CHFR: variants seen among roughly 807,000 people sequenced by gnomAD.
CHFR encodes checkpoint with forkhead and ring finger domains.
CHFR carries 57 observed loss-of-function variants against 87.6 expected under a neutral mutation model. The observed-to-expected ratio is 0.65, with a 90% CI of 0.53 to 0.81. The LOEUF (loss-of-function observed/expected upper bound fraction) is 0.81, where lower values mean the gene tolerates loss of function less well. CHFR is among the 30% of genes least tolerant of loss of function. The pLI, the probability that CHFR is intolerant of heterozygous loss-of-function variation, is 0.00. For synonymous variants in CHFR, 381 were observed against 359.2 expected (o/e 1.06, Z -0.69); for missense variants, 797 against 865.8 (o/e 0.92, Z 1.00).
chr12:132,836,932 G>C lies in CHFR; in HGVS notation c.*4622C>G. 1 of 369,898 alleles carries C rather than the reference G, an allele frequency of 2.7e-6. No individual in the cohort carries two copies. Among genetic ancestry groups the C allele is most frequent in the Non-Finnish European group, 5.3e-6 (1 of 187,486 alleles). The allele number at this position is 369,898 out of a possible 1,614,324, so 22.9% of individuals were successfully genotyped here. On this transcript the variant is annotated 3_prime_UTR_variant, in exon 18 of 18. Coordinates refer to ENST00000450056, the MANE Select transcript of CHFR (RefSeq NM_001161346.2). ...CAAGATCCCTGCTCTATTTTTTTGAGAGGGGGAGACAAACGGTAAACAGAT... is the reference window on the plus strand; with the variant it reads ...CAAGATCCCTGCTCTATTTTTTTGACAGGGGGAGACAAACGGTAAACAGAT...
intron 10 of CHFR, 144 bp downstream of exon 10, chr12:132,856,324 A>G: frequency 2.4e-6 from 2 of 847,316 alleles, no homozygotes; most frequent in Non-Finnish European, 3.7e-6. Flanking sequence ...TCAGAAAACA[A>G]GCTCAAGCCA....
intron 2 of CHFR, among the ~76,000 whole-genome samples, chr12:132,885,742 G>A (rs1250465664): frequency 1.3e-5 from 2 of 152,100 alleles, no homozygotes; most frequent in Non-Finnish European, 2.9e-5. Context: ...ACTCCTCAGA[G>A]CAAATCTATG....
At chr12:132,877,284 T>C (rs1192280473) in intron 3 of CHFR, among the ~76,000 whole-genome samples, 1 of 152,152 alleles carries the variant, frequency 6.6e-6, no homozygotes, top group Non-Finnish European at 1.5e-5. Flanking sequence ...CTATACCATA[T>C]AGCCTAGGTA....
intron 4 of CHFR, 173 bp downstream of exon 4, chr12:132,872,112 C>A: frequency 1.8e-6 from 1 of 543,566 alleles, no homozygotes; most frequent in Non-Finnish European, 3.3e-6. Flanking sequence ...GCAAAGTCGA[C>A]ACTCCCACTC....
intron 4 of CHFR, 62 bp from the exon 5 acceptor site, chr12:132,870,845 T>C: frequency 1.1e-6 from 1 of 932,570 alleles, no homozygotes; most frequent in South Asian, 1.4e-5. Context: ...GAACTCATTT[T>C]TCTCTTCTGT....
intron 10 of CHFR, chr12:132,854,973 G>A (rs1951033808): frequency 6.6e-6 from 1 of 151,868 alleles, no homozygotes; most frequent in Non-Finnish European, 1.5e-5. Context: ...CGGGCGCGGT[G>A]GCTCACACCT....
chr12:132,834,849 G>A lies in CHFR; in HGVS notation c.*6705C>T, dbSNP rs1441145980. 1.3e-5 allele frequency: 2 copies of A among 151,892 alleles called. No individual in the cohort carries two copies. Among genetic ancestry groups the A allele is most frequent in the Admixed American group, 1.3e-4 (2 of 15,222 alleles). 9.4% of individuals were successfully genotyped at this position (151,892 alleles called of 1,614,324 possible). ...TCCTGCCTCAGCCTCCCGAGTAGCTGGGACTACAGGCACCCACCACCACGC... is the reference window on the plus strand; with the variant it reads ...TCCTGCCTCAGCCTCCCGAGTAGCTAGGACTACAGGCACCCACCACCACGC... On this transcript the variant is annotated 3_prime_UTR_variant, in exon 18 of 18. Coordinates refer to ENST00000450056, the MANE Select transcript of CHFR (RefSeq NM_001161346.2).
At chr12:132,861,399 T>G in intron 7 of CHFR, 68 bp downstream of exon 7, 1 of 1,520,014 alleles carries the variant, frequency 6.6e-7, no homozygotes, top group South Asian at 1.2e-5. Flanking sequence ...GCACGGAGCA[T>G]GGCAGCGGCC....
intron 13 of CHFR, 145 bp from the exon 14 acceptor site, chr12:132,848,300 C>T (rs1002009318): frequency 1.9e-4 from 278 of 1,435,256 alleles, no homozygotes; most frequent in Non-Finnish European, 4.0e-5. Flanking sequence ...CAATTTTAAA[C>T]AGAGGACAAG....
chr12:132,887,140 C>T, intron 2 of CHFR, 56 bp downstream of exon 2: 1 of 1,402,538 alleles, frequency 7.1e-7, no homozygotes, highest in Non-Finnish European at 9.2e-7. Context: ...GTGGCCTGCC[C>T]GCAACCCGGT....
Position 132,877,612 on chromosome 12 carries a change from T to C in CHFR, c.176A>G (p.Asp59Gly). The change falls in exon 3 of 18, where the codon GAT becomes GGT. Residue 59 changes from aspartate to glycine, a missense_variant. Physicochemically the swap from Asp to Gly is moderately conservative, Grantham distance 94 (BLOSUM62 -1). Coordinates refer to ENST00000450056, the MANE Select transcript of CHFR (RefSeq NM_001161346.2). ...TTCATCCACTACAATTCTACAGTGA[T>C]CTCCAGAGACCAGTTTATTGCTGGG... ...SFPSNKLVSG[D>G]HCRIVVDEKS... 5 of 1,613,704 alleles carry C rather than the reference T, an allele frequency of 3.1e-6. No homozygotes were observed. Among genetic ancestry groups the C allele is most frequent in the Non-Finnish European group, 2.5e-6 (3 of 1,179,818 alleles).
At chr12:132,876,538 C>A (rs1358852480) in intron 3 of CHFR, among the ~76,000 whole-genome samples, 1 of 152,146 alleles carries the variant, frequency 6.6e-6, no homozygotes, top group Non-Finnish European at 1.5e-5. Context: ...TTCAGTTGTA[C>A]AAGAACGAGA....
At chr12:132,854,499 G>C (rs1951019600) in intron 10 of CHFR, 1 of 152,216 alleles carries the variant, frequency 6.6e-6, no homozygotes, top group Non-Finnish European at 1.5e-5. Flanking sequence ...TTACCGAGCT[G>C]TACATGCAGC....
intron 14 of CHFR, chr12:132,847,812 C>T (rs939065950): frequency 3.3e-5 from 43 of 1,307,004 alleles, no homozygotes; most frequent in East Asian, 6.9e-5. Context: ...CAAGAGCTGC[C>T]GGGAACAAGA....
rs929445136 is a variant in CHFR at position 132,835,280 on chromosome 12, T to C, written c.*6274A>G. 2 of 152,116 alleles carry C rather than the reference T, an allele frequency of 1.3e-5. No individual in the cohort carries two copies. The highest frequency in any genetic ancestry group is 2.9e-5 in the Non-Finnish European group (2 of 68,050). 9.4% of individuals were successfully genotyped at this position (152,116 alleles called of 1,614,324 possible). A position where few individuals can be genotyped will look rare whatever the true frequency, so the allele number is the denominator to read the frequency against. On this transcript the variant is annotated 3_prime_UTR_variant, in exon 18 of 18. Transcript: ENST00000450056. Reference sequence around the variant, plus strand: ...AACAACAACAAACAAAACCACCCAATTTTTATAAAACCCCGTGGCGTGCGA... The same window carrying C: ...AACAACAACAAACAAAACCACCCAACTTTTATAAAACCCCGTGGCGTGCGA...
chr12:132,859,317 G>A (rs1951160971), intron 7 of CHFR, 90 bp from the exon 8 acceptor site: 1 of 1,266,122 alleles, frequency 7.9e-7, no homozygotes, highest in African/African-American at 1.5e-5. Context: ...AGAAAGGGAT[G>A]TGTTCTAACT....
At chr12:132,886,310 C>CA (rs1326595077) in intron 2 of CHFR, among the ~76,000 whole-genome samples, 1 of 143,152 alleles carries the variant, frequency 7.0e-6, no homozygotes, top group African/African-American at 2.7e-5. Context: ...ACTCTTATCT[C>CA]AAAAAAACAA....
intron 2 of CHFR, among the ~76,000 whole-genome samples, chr12:132,878,030 T>C (rs1417977562): frequency 2.6e-5 from 4 of 152,026 alleles, no homozygotes; most frequent in East Asian, 1.9e-4. Context: ...TCTCGATCTT[T>C]TGACCTCATG....
At chr12:132,877,112 T>C (rs1951647366) in intron 3 of CHFR, among the ~76,000 whole-genome samples, 1 of 152,068 alleles carries the variant, frequency 6.6e-6, no homozygotes. Flanking sequence ...AATGTTTTTT[T>C]CAACAGACGC....
Sources: allele counts gnomAD v4.1 joint callset (sites outside exome capture counted in the v4.1 genomes callset), GRCh38; gene constraint gnomAD v4.1.1; transcripts MANE v1.5; gene names NCBI Gene and HGNC (gene_info 2026-07-23, HGNC 2026-07-21).